SCN7A: variants seen among roughly 807,000 people sequenced by gnomAD.
SCN7A encodes sodium channel protein type 7 subunit alpha.
In SCN7A, 138 loss-of-function variants were observed where a neutral mutation model predicts 155.2. The observed-to-expected ratio is 0.89, with a 90% CI of 0.77 to 1.02. SCN7A has a LOEUF of 1.02. Ranked by LOEUF, SCN7A falls within the 50% of genes least tolerant of loss-of-function variation. SCN7A has a pLI of 0.00. For synonymous variants in SCN7A, 693 were observed against 649.0 expected (o/e 1.07, Z -1.03); for missense variants, 2,058 against 1,986.6 (o/e 1.04, Z -0.68).
At chr2:166,462,645 A>G (rs1287991147) in intron 9 of SCN7A, 115 bp from the exon 10 acceptor site, 2 of 880,438 alleles carry the variant, frequency 2.3e-6, no homozygotes, top group Admixed American at 2.8e-5. Context: ...TTCCACAGGG[A>G]GAGTAATGTC....
Position 166,410,250 on chromosome 2 carries a change from C to T in SCN7A, c.3681G>A (p.Glu1227=). 6.4e-7 allele frequency: 1 copy of T among 1,555,508 alleles called. No individual in the cohort carries two copies. The highest frequency in any genetic ancestry group is 8.7e-7 in the Non-Finnish European group (1 of 1,148,084). ...QYRRLKKLMY[E]DSQRPVPRPL... ...GGCGAGGTACTGGTCTTTGAGAATC[C>T]TCATACATTAGCTTCTTCAGCCTGC... The change falls in exon 24 of 26, where the codon GAG becomes GAA. Residue 1227 remains glutamate, a synonymous_variant. Transcript: ENST00000643258.
chr2:166,433,884 T>C (rs1338572902), intron 15 of SCN7A, among the ~76,000 whole-genome samples: 6 of 151,914 alleles, frequency 3.9e-5, no homozygotes, highest in African/African-American at 1.4e-4. Context: ...TTCCTAACAC[T>C]TGTAACTTAT....
Position 166,406,096 on chromosome 2 carries a change from A to G in SCN7A, c.4533T>C (p.Ser1511=), listed in dbSNP as rs375884204. The change falls in exon 26 of 26, where the codon AGT becomes AGC. Residue 1511 remains serine (S), a synonymous_variant. Transcript: ENST00000643258. The part of the protein sequence containing the change: ...IASKKKNKTL[S]EDDFRKFFQV... ...GAAAGAATTTCCTAAAATCATCTTC[A>G]CTCAAGGTCTTGTTTTTCTTCTTAG... is the stretch of plus-strand genomic sequence containing the variant. The G allele has an allele frequency of 3.7e-6, 6 of 1,612,268 alleles. No homozygotes were observed. Among genetic ancestry groups the G allele is most frequent in the Non-Finnish European group, 4.2e-6 (5 of 1,179,036 alleles).
Position 166,412,551 on chromosome 2 carries a change from A to T in SCN7A, c.3585T>A (p.Asn1195Lys), listed in dbSNP as rs761801231. ...TTATCTTTATTTTATGCTTGTTGAA[A>T]TTATCAATAATAACAGTAATCAGCA... ...LSMLITVIIDNFNKHKIKLGG... is the reference protein window; with the variant it reads ...LSMLITVIIDKFNKHKIKLGG... The change falls in exon 23 of 26, where the codon AAT becomes AAA. Residue 1195 changes from asparagine (N) to lysine (K), a missense_variant. Coordinates refer to ENST00000643258, the MANE Select transcript of SCN7A (RefSeq NM_002976.4). 2.7e-6 allele frequency: 4 copies of T among 1,481,628 alleles called. No homozygotes were observed. The highest frequency in any genetic ancestry group is 2.7e-6 in the Non-Finnish European group (3 of 1,121,794). 91.8% of individuals were successfully genotyped at this position (1,481,628 alleles called of 1,614,324 possible). A position where few individuals can be genotyped will look rare whatever the true frequency, so the allele number is the denominator to read the frequency against.
At chr2:166,458,478 T>C (rs937160299) in intron 10 of SCN7A, among the ~76,000 whole-genome samples, 2 of 152,176 alleles carry the variant, frequency 1.3e-5, no homozygotes, top group Non-Finnish European at 2.9e-5. Flanking sequence ...ATATAGACTT[T>C]TTATCTTGTC....
At chr2:166,477,375 T>C (rs1702820970) in intron 3 of SCN7A, 88 bp downstream of exon 3, 1 of 861,252 alleles carries the variant, frequency 1.2e-6, no homozygotes, top group Non-Finnish European at 1.7e-6. Flanking sequence ...TTTCATTATC[T>C]TTTTGTATCC....
At chr2:166,410,392 A>G in intron 23 of SCN7A, 68 bp from the exon 24 acceptor site, 1 of 1,028,544 alleles carries the variant, frequency 9.7e-7, no homozygotes, top group Non-Finnish European at 1.4e-6. Context: ...GTTAATAGGC[A>G]TTTTAAAGAC....
chr2:166,465,628 C>G, intron 8 of SCN7A, 97 bp from the exon 9 acceptor site: 1 of 1,233,532 alleles, frequency 8.1e-7, no homozygotes, highest in Non-Finnish European at 1.2e-6. Context: ...AAATACCTTT[C>G]TGCAATTGTG....
intron 25 of SCN7A, 28 bp downstream of exon 25, chr2:166,409,637 G>T (rs965255081): frequency 9.9e-6 from 14 of 1,414,122 alleles, no homozygotes; most frequent in African/African-American, 1.5e-5. Context: ...ATTATTATCA[G>T]TAAAAATTTG....
intron 2 of SCN7A, among the ~76,000 whole-genome samples, chr2:166,483,743 A>G (rs563076089): frequency 1.3e-3 from 200 of 152,062 alleles, no homozygotes; most frequent in African/African-American, 4.5e-3. Context: ...AAAACAGTAT[A>G]ATTATTCTAA....
intron 16 of SCN7A, among the ~76,000 whole-genome samples, chr2:166,430,861 T>C (rs1425323618): frequency 6.6e-6 from 1 of 152,040 alleles, no homozygotes; most frequent in Non-Finnish European, 1.5e-5. Flanking sequence ...TTTTTGGCTG[T>C]GGGTATATCA....
At chr2:166,488,284 G>T (rs1247408740) in intron 1 of SCN7A, among the ~76,000 whole-genome samples, 4 of 152,284 alleles carry the variant, frequency 2.6e-5, no homozygotes, top group African/African-American at 9.6e-5. Context: ...TTCCCTTAGA[G>T]CTTTCTGACT....
intron 15 of SCN7A, among the ~76,000 whole-genome samples, chr2:166,436,961 G>T (rs1244176891): frequency 6.6e-6 from 1 of 152,326 alleles, no homozygotes; most frequent in East Asian, 1.9e-4. Flanking sequence ...AAAATTTGCA[G>T]CCTGATGATG....
chr2:166,466,292 C>A (rs1360207357), intron 7 of SCN7A, among the ~76,000 whole-genome samples: 2 of 152,012 alleles, frequency 1.3e-5, no homozygotes, highest in Non-Finnish European at 2.9e-5. Flanking sequence ...GTCATACTAA[C>A]CTCCAGTGTT....
chr2:166,450,572 C>T (rs1392007430), intron 11 of SCN7A, among the ~76,000 whole-genome samples: 4 of 152,224 alleles, frequency 2.6e-5, no homozygotes, highest in Non-Finnish European at 5.9e-5. Flanking sequence ...GAGGCCGAGG[C>T]GAGCAGATCA....
At chr2:166,484,959 A>G (rs116708872) in intron 2 of SCN7A, among the ~76,000 whole-genome samples, 182 of 152,244 alleles carry the variant, frequency 1.2e-3, no homozygotes, top group African/African-American at 4.1e-3. Context: ...TATCTTTTAA[A>G]GCATAAGTAC....
intron 16 of SCN7A, among the ~76,000 whole-genome samples, chr2:166,430,557 C>T (rs1701712785): frequency 6.6e-6 from 1 of 151,356 alleles, no homozygotes; most frequent in Admixed American, 6.6e-5. Context: ...GTGATTTTTC[C>T]AAAATACCGG....
In SCN7A at chr2:166,486,948, G is replaced by C. The variant is rs1487928109; in HGVS notation, c.-107C>G. On this transcript the variant is annotated 5_prime_UTR_variant, in exon 2 of 26. Coordinates refer to ENST00000643258, the MANE Select transcript of SCN7A (RefSeq NM_002976.4). ...TCAGCTCTAATGACCTGGCCATGTT[G>C]GCATTCACATGGTGGAGGACCTGTT... 6.6e-6 allele frequency: 1 copy of C among 152,152 alleles called. No individual in the cohort carries two copies. The highest frequency in any genetic ancestry group is 1.5e-5 in the Non-Finnish European group (1 of 68,042). The allele number at this position is 152,152 out of a possible 1,614,324, so 9.4% of individuals were successfully genotyped here. A position where few individuals can be genotyped will look rare whatever the true frequency, so the allele number is the denominator to read the frequency against.
intron 11 of SCN7A, 31 bp downstream of exon 11, chr2:166,456,817 TATATATATATATAGATAGATAG>T (rs1559114219): frequency 1.3e-5 from 7 of 534,034 alleles, no homozygotes; most frequent in African/African-American, 1.1e-4. Context: ...TATATATATA[TATATATATATATAGATAGATAG>T]ATAGATAGAT....
Sources: gnomAD v4.1 joint callset for allele counts (sites outside exome capture counted in the v4.1 genomes callset) on GRCh38, gnomAD v4.1.1 for gene constraint, MANE v1.5 for transcripts, NCBI Gene and HGNC (gene_info 2026-07-23, HGNC 2026-07-21) for gene names.